The following CDH13 variants were observed in gnomAD, a reference collection of about 807,000 sequenced individuals.
The protein encoded by CDH13 is cadherin 13.
A neutral mutation model predicts 63.8 loss-of-function variants in CDH13; 24 were observed. That is an observed-to-expected ratio of 0.38 (90% confidence interval 0.27 to 0.53). The LOEUF (loss-of-function observed/expected upper bound fraction) is 0.53, where lower values mean the gene tolerates loss of function less well. Among genes scored for constraint, CDH13 ranks in the 20% least tolerant of loss-of-function variants. CDH13 has a pLI of 0.85. For missense variants in CDH13, 1,049 were observed against 903.1 expected, an observed-to-expected ratio of 1.16 and a Z score of -2.07; for synonymous variants, 503 against 355.3, an observed-to-expected ratio of 1.42 and a Z score of -4.67.
At chr16:83,598,964 G>T (rs966104057) in intron 7 of CDH13, among the ~76,000 whole-genome samples, 5 of 152,328 alleles carry the variant, frequency 3.3e-5, no homozygotes, top group African/African-American at 1.2e-4. Flanking sequence ...CTTAGGTTAT[G>T]TCCTCATCGC....
intron 1 of CDH13, among the ~76,000 whole-genome samples, chr16:82,814,153 A>T (rs912416578): frequency 7.2e-5 from 11 of 152,140 alleles, no homozygotes; most frequent in African/African-American, 2.4e-4. Flanking sequence ...CTCTGCCCCC[A>T]GTTCTAATAT....
At chr16:82,866,377 C>CTTCTTTTTTTTTTTTTTTTTTTTT (rs1219841320) in intron 2 of CDH13, among the ~76,000 whole-genome samples, 1 of 58,300 alleles carries the variant, frequency 1.7e-5, no homozygotes, top group Admixed American at 2.7e-4. Flanking sequence ...TTTTCTTCTT[C>CTTCTTTTTTTTTTTTTTTTTTTTT]TTTTTTTTTT....
chr16:82,988,248 T>C (rs921190791), intron 2 of CDH13, among the ~76,000 whole-genome samples: 3 of 152,166 alleles, frequency 2.0e-5, no homozygotes, highest in Non-Finnish European at 2.9e-5. Flanking sequence ...GTGTTCTTTT[T>C]AATATAAAGA....
chr16:83,360,879 A>T (rs532512138), intron 6 of CDH13, among the ~76,000 whole-genome samples: 31 of 152,248 alleles, frequency 2.0e-4, no homozygotes, highest in African/African-American at 7.2e-4. Flanking sequence ...GGTTGATTCC[A>T]TGTCTTTGCT....
At chr16:83,471,377 T>C (rs2073449194) in intron 6 of CDH13, among the ~76,000 whole-genome samples, 1 of 147,014 alleles carries the variant, frequency 6.8e-6, no homozygotes, top group South Asian at 2.2e-4. Context: ...CGGGTTCAAA[T>C]GATTCTCCTT....
intron 4 of CDH13, among the ~76,000 whole-genome samples, chr16:83,135,996 T>C (rs1024799854): frequency 3.9e-5 from 6 of 151,966 alleles, no homozygotes; most frequent in African/African-American, 1.5e-4. Flanking sequence ...ATAGGCATGA[T>C]ACAACGGACT....
intron 5 of CDH13, among the ~76,000 whole-genome samples, chr16:83,232,227 T>TAA (rs1555516432): frequency 7.4e-5 from 5 of 67,636 alleles, no homozygotes; most frequent in East Asian, 5.7e-4. Context: ...TTTTTTTTTT[T>TAA]AAAAAAAAAA....
In CDH13 at chr16:83,102,342, A is replaced by G. The variant is rs575251257; in HGVS notation, c.367-23043A>G. ...TATAGCAGCCATTGGAAACTAATAC[A>G]GCAATTCTGTGGCTATCTGGCGGAA... On this transcript the variant is annotated intron_variant, in intron 3 of 13. Transcript: ENST00000567109. Among the ~76,000 whole-genome samples, 180 of 152,370 alleles carry G rather than the reference A, an allele frequency of 1.2e-3. 1 individual carries two copies. The highest frequency in any genetic ancestry group is 8.9e-3 in the South Asian group (43 of 4,822).
chr16:82,925,630 A>G (rs1185694249), intron 2 of CDH13, among the ~76,000 whole-genome samples: 1 of 152,304 alleles, frequency 6.6e-6, no homozygotes, highest in East Asian at 1.9e-4. Context: ...GGCCAACCTG[A>G]ACACTGCCTA....
chr16:82,724,730 C>G (rs930702212), intron 1 of CDH13, among the ~76,000 whole-genome samples: 19 of 152,264 alleles, frequency 1.2e-4, no homozygotes, highest in African/African-American at 4.3e-4. Context: ...GAGAGAATCA[C>G]AGGGCCCTGT....
At chr16:83,019,290 A>G (rs1335063043) in intron 2 of CDH13, among the ~76,000 whole-genome samples, 2 of 151,986 alleles carry the variant, frequency 1.3e-5, no homozygotes, top group East Asian at 3.9e-4. Context: ...TTCTTTGTTA[A>G]AAGCTGAGAC....
At chr16:82,706,876 T>G (rs2031537082) in intron 1 of CDH13, among the ~76,000 whole-genome samples, 1 of 152,174 alleles carries the variant, frequency 6.6e-6, no homozygotes, top group Non-Finnish European at 1.5e-5. Flanking sequence ...GAATTAGGTA[T>G]ATGTGCCTGC....
intron 6 of CDH13, among the ~76,000 whole-genome samples, chr16:83,476,652 T>G (rs2073613290): frequency 6.6e-6 from 1 of 152,106 alleles, no homozygotes; most frequent in Non-Finnish European, 1.5e-5. Flanking sequence ...CAGCCTGCAC[T>G]CCAGTGACAA....
At chr16:82,939,809 G>T (rs997246851) in intron 2 of CDH13, among the ~76,000 whole-genome samples, 1 of 152,056 alleles carries the variant, frequency 6.6e-6, no homozygotes, top group African/African-American at 2.4e-5. Context: ...GATAATATTT[G>T]TCACCCCTTG....
At chr16:83,591,963 C>T (rs1250635865) in intron 7 of CDH13, among the ~76,000 whole-genome samples, 1 of 152,194 alleles carries the variant, frequency 6.6e-6, no homozygotes, top group African/African-American at 2.4e-5. Context: ...AAGACACCAT[C>T]TCTAATCCTA....
At position 83,200,965 on chromosome 16, in the gene CDH13, G is replaced by GTGTGTGTGTGTC. The variant is rs34095925; in HGVS notation, c.484-16373_484-16372insGTGTCTGTGTGT. 1.3e-3 allele frequency among the ~76,000 whole-genome samples: 188 copies of GTGTGTGTGTGTC among 144,486 alleles called. 1 individual carries two copies. The highest frequency in any genetic ancestry group is 0.011 in the Middle Eastern group (3 of 270). The allele number at this position is 144,486 out of a possible 152,430, so 94.8% of individuals were successfully genotyped here. The stretch of plus-strand genomic sequence containing the variant: ...TGTGTGTGTGTGTGTGTGTGTGTGT[G>GTGTGTGTGTGTC]TGTGTGTTATTGGGATCTTTTAACT... On this transcript the variant is annotated intron_variant, in intron 4 of 13. Coordinates refer to ENST00000567109, the MANE Select transcript of CDH13 (RefSeq NM_001257.5).
intron 1 of CDH13, among the ~76,000 whole-genome samples, chr16:82,671,130 A>G (rs1330804942): frequency 2.0e-5 from 3 of 152,260 alleles, no homozygotes; most frequent in Non-Finnish European, 2.9e-5. Context: ...TGAAAATTGA[A>G]TACAAGTCTG....
chr16:83,159,656 AG>A (rs898463559), intron 4 of CDH13, among the ~76,000 whole-genome samples: 26 of 152,326 alleles, frequency 1.7e-4, no homozygotes, highest in Middle Eastern at 3.4e-3. Context: ...TGGTCACTAA[AG>A]GGGATATAAC....
chr16:83,284,173 C>T (rs1211036096), intron 5 of CDH13, among the ~76,000 whole-genome samples: 1 of 152,120 alleles, frequency 6.6e-6, no homozygotes, highest in Non-Finnish European at 1.5e-5. Context: ...GTTGTTAGTT[C>T]TGGGGAAGTG....
Sources: allele counts gnomAD v4.1 joint callset (sites outside exome capture counted in the v4.1 genomes callset), GRCh38; gene constraint gnomAD v4.1.1; transcripts MANE v1.5; gene names NCBI Gene and HGNC (gene_info 2026-07-23, HGNC 2026-07-21).